Variants in RNF139 observed in about 807,000 individuals in gnomAD.
The protein encoded by RNF139 is ring finger protein 139.
Under a neutral mutation model 49.5 loss-of-function variants are expected in RNF139, and 15 were observed. The ratio of observed to expected loss-of-function variants is 0.30; its 90% confidence interval spans 0.20 to 0.47. The LOEUF (loss-of-function observed/expected upper bound fraction) is 0.47, where lower values mean the gene tolerates loss of function less well. Among genes scored for constraint, RNF139 ranks in the 20% least tolerant of loss-of-function variants. RNF139 has a pLI of 1.00. For synonymous variants in RNF139, 325 were observed against 300.9 expected, an observed-to-expected ratio of 1.08 and a Z score of -0.83; for missense variants, 619 against 806.3, an observed-to-expected ratio of 0.77 and a Z score of 2.81.
chr8:124,486,021 C>G lies in RNF139; in HGVS notation c.372C>G (p.Pro124=), dbSNP rs1197304198. 3 of 1,614,172 alleles carry G rather than the reference C, an allele frequency of 1.9e-6. No individual in the cohort carries two copies. Among genetic ancestry groups the G allele is most frequent in the South Asian group, 2.2e-5 (2 of 91,080 alleles). Residue 124 remains proline, a synonymous_variant, in exon 2 of 2, where the codon CCC becomes CCG. Coordinates refer to ENST00000303545, the MANE Select transcript of RNF139 (RefSeq NM_007218.4). ...FGIELLPRKG[P]SLWMALIVLQ... Reference sequence around the variant, plus strand: ...TTGAGCTGCTTCCTCGAAAAGGTCCCTCGCTGTGGATGGCACTTATCGTTC... The same window carrying G: ...TTGAGCTGCTTCCTCGAAAAGGTCCGTCGCTGTGGATGGCACTTATCGTTC...
At chr8:124,484,780 A>C (rs1816501472) in intron 1 of RNF139, among the ~76,000 whole-genome samples, 1 of 152,200 alleles carries the variant, frequency 6.6e-6, no homozygotes, top group Non-Finnish European at 1.5e-5. Context: ...TTTTCTAAAA[A>C]CATGTCTTGG....
At chr8:124,475,912 TAA>T (rs1040705108) in intron 1 of RNF139, among the ~76,000 whole-genome samples, 6 of 152,230 alleles carry the variant, frequency 3.9e-5, no homozygotes, top group African/African-American at 1.2e-4. Context: ...AAAGTGACTG[TAA>T]AAAGTGATGA....
intron 1 of RNF139, among the ~76,000 whole-genome samples, chr8:124,480,504 C>G (rs1186077161): frequency 6.6e-6 from 1 of 150,842 alleles, no homozygotes; most frequent in Non-Finnish European, 1.5e-5. Context: ...ACAAAGGACA[C>G]AGATGAATTA....
At position 124,475,027 on chromosome 8, in the gene RNF139, T is replaced by C. The variant is rs1429341998; in HGVS notation, c.-83T>C. On this transcript the variant is annotated 5_prime_UTR_variant, in exon 1 of 2. Transcript: ENST00000303545. ...AGGGCAGGGGCGGAGTTGCCCGCCTTAGCCCCCGCCCCCGGCCGCGGCCCC... is the reference window on the plus strand; with the variant it reads ...AGGGCAGGGGCGGAGTTGCCCGCCTCAGCCCCCGCCCCCGGCCGCGGCCCC... 5 of 965,028 alleles carry C rather than the reference T, an allele frequency of 5.2e-6. No individual in the cohort carries two copies. The highest frequency in any genetic ancestry group is 3.7e-5 in the East Asian group (1 of 27,126). The allele number at this position is 965,028 out of a possible 1,614,324, so 59.8% of individuals were successfully genotyped here.
Position 124,475,081 on chromosome 8 carries a change from C to A in RNF139, c.-29C>A. ...CCCTGCCCCGCGCGGCCCTGCCCGG[C>A]CCACCGAGCCCTGGTGTGGCAGCGG... On this transcript the variant is annotated 5_prime_UTR_variant, in exon 1 of 2. Coordinates refer to ENST00000303545, the MANE Select transcript of RNF139 (RefSeq NM_007218.4). The A allele has an allele frequency of 1.4e-6, 2 of 1,475,048 alleles. No homozygotes were observed. Among genetic ancestry groups the A allele is most frequent in the South Asian group, 1.3e-5 (1 of 76,340 alleles). The allele number at this position is 1,475,048 out of a possible 1,614,324, so 91.4% of individuals were successfully genotyped here. A position where few individuals can be genotyped will look rare whatever the true frequency, so the allele number is the denominator to read the frequency against.
At chr8:124,475,361 G>A in intron 1 of RNF139, 71 bp downstream of exon 1, 3 of 1,473,694 alleles carry the variant, frequency 2.0e-6, no homozygotes, top group Non-Finnish European at 1.9e-6. Context: ...GAGCGGGCAG[G>A]CGCGCAGAGG....
chr8:124,483,397 G>A lies in RNF139; in HGVS notation c.182-2434G>A, dbSNP rs1252897134. 5 of 151,250 alleles carry A rather than the reference G, an allele frequency of 3.3e-5. No homozygotes were observed. In the East Asian group the frequency reaches 9.7e-4, roughly 29 times the overall value. 9.4% of individuals were successfully genotyped at this position (151,250 alleles called of 1,614,324 possible). A position where few individuals can be genotyped will look rare whatever the true frequency, so the allele number is the denominator to read the frequency against. On this transcript the variant is annotated intron_variant, in intron 1 of 1. Transcript: ENST00000303545. ...ATAATATGCAATGTCTTGATTACCT[G>A]CTGAAATAAGGTGGATAGATGGATT...
chr8:124,481,305 A>T (rs1256436595), intron 1 of RNF139, among the ~76,000 whole-genome samples: 1 of 152,066 alleles, frequency 6.6e-6, no homozygotes, highest in Admixed American at 6.5e-5. Flanking sequence ...GTTTTTCCAC[A>T]GGTTGCTTTT....
chr8:124,487,854 G>A lies in RNF139; in HGVS notation c.*210G>A. 2.1e-6 allele frequency: 1 copy of A among 475,616 alleles called. No homozygotes were observed. Among genetic ancestry groups the A allele is most frequent in the Non-Finnish European group, 3.7e-6 (1 of 271,426 alleles). The allele number at this position is 475,616 out of a possible 1,614,324, so 29.5% of individuals were successfully genotyped here. ...TCTTTGGTGACCTGTTTAAATTTGTGTACATTATTGTACATAGAATAAAAT... is the reference window on the plus strand; with the variant it reads ...TCTTTGGTGACCTGTTTAAATTTGTATACATTATTGTACATAGAATAAAAT... On this transcript the variant is annotated 3_prime_UTR_variant, in exon 2 of 2. Coordinates refer to ENST00000303545, the MANE Select transcript of RNF139 (RefSeq NM_007218.4).
At chr8:124,482,931 A>T (rs1816442501) in intron 1 of RNF139, among the ~76,000 whole-genome samples, 1 of 109,250 alleles carries the variant, frequency 9.2e-6, no homozygotes, top group Non-Finnish European at 1.9e-5. Context: ...CATTAAAAAA[A>T]ATATAAAAAA....
intron 1 of RNF139, among the ~76,000 whole-genome samples, chr8:124,480,459 G>A (rs1358981229): frequency 6.8e-6 from 1 of 147,036 alleles, no homozygotes; most frequent in Admixed American, 6.8e-5. Flanking sequence ...GGGAACTACT[G>A]TACTTACATT....
chr8:124,487,193 G>T lies in RNF139; in HGVS notation c.1544G>T (p.Gly515Val). 3 of 1,613,912 alleles carry T rather than the reference G, an allele frequency of 1.9e-6. No individual in the cohort carries two copies. The highest frequency in any genetic ancestry group is 2.5e-6 in the Non-Finnish European group (3 of 1,179,940). The change falls in exon 2 of 2, where the codon GGC becomes GTC. Residue 515 changes from glycine to valine, a missense_variant. Coordinates refer to ENST00000303545, the MANE Select transcript of RNF139 (RefSeq NM_007218.4). ...YFNIYLQAKN[G>V]WKTFMNRRTA... Reference sequence around the variant, plus strand: ...AACATCTACTTACAAGCCAAAAATGGCTGGAAGACATTTATGAATCGTAGG... The same window carrying T: ...AACATCTACTTACAAGCCAAAAATGTCTGGAAGACATTTATGAATCGTAGG...
chr8:124,482,797 A>G (rs988573767), intron 1 of RNF139, among the ~76,000 whole-genome samples: 1 of 150,190 alleles, frequency 6.7e-6, no homozygotes, highest in South Asian at 2.1e-4. Flanking sequence ...GTGGTGGTAC[A>G]TACCTGTAAT....
At position 124,487,776 on chromosome 8, in the gene RNF139, T is replaced by C; in HGVS notation, c.*132T>C. 2 of 853,548 alleles carry C rather than the reference T, an allele frequency of 2.3e-6. No individual in the cohort carries two copies. Among genetic ancestry groups the C allele is most frequent in the Non-Finnish European group, 3.5e-6 (2 of 568,438 alleles). The allele number at this position is 853,548 out of a possible 1,614,324, so 52.9% of individuals were successfully genotyped here. A position where few individuals can be genotyped will look rare whatever the true frequency, so the allele number is the denominator to read the frequency against. ...TCAATGTTGAATCTGTGAATGGTTTTCCGTTTACTGTGATGTGCTACTGTA... is the reference window on the plus strand; with the variant it reads ...TCAATGTTGAATCTGTGAATGGTTTCCCGTTTACTGTGATGTGCTACTGTA... On this transcript the variant is annotated 3_prime_UTR_variant, in exon 2 of 2. Transcript: ENST00000303545.
intron 1 of RNF139, among the ~76,000 whole-genome samples, chr8:124,480,907 AAATATT>A (rs1816396468): frequency 6.6e-6 from 1 of 152,178 alleles, no homozygotes; most frequent in South Asian, 2.1e-4. Flanking sequence ...GACAAAGACC[AAATATT>A]AATATTTTTT....
chr8:124,482,177 C>T (rs895734765), intron 1 of RNF139, among the ~76,000 whole-genome samples: 4 of 152,158 alleles, frequency 2.6e-5, no homozygotes, highest in African/African-American at 7.2e-5. Context: ...TATCTGATGC[C>T]TTCCCCTTTT....
At chr8:124,479,571 TG>T (rs1816372009) in intron 1 of RNF139, among the ~76,000 whole-genome samples, 1 of 152,166 alleles carries the variant, frequency 6.6e-6, no homozygotes, top group Non-Finnish European at 1.5e-5. Context: ...TGTTTGCGGA[TG>T]GGAGCTCTCC....
At position 124,486,997 on chromosome 8, in the gene RNF139, TATA is replaced by T; in HGVS notation, c.1351_1353del (p.Asn451del). ...TACGTTATTCATGATTGATGGCTAC[TATA>T]ATGTCCTCTGGGAAAAGCTTGACGA... is the stretch of plus-strand genomic sequence containing the variant. On this transcript the variant is annotated inframe_deletion, in exon 2 of 2. Coordinates refer to ENST00000303545, the MANE Select transcript of RNF139 (RefSeq NM_007218.4). 1 of 1,614,104 alleles carries T rather than the reference TATA, an allele frequency of 6.2e-7. No homozygotes were observed. Among genetic ancestry groups the T allele is most frequent in the Non-Finnish European group, 8.5e-7 (1 of 1,179,972 alleles).
chr8:124,476,122 T>A (rs907678566), intron 1 of RNF139, among the ~76,000 whole-genome samples: 1 of 152,232 alleles, frequency 6.6e-6, no homozygotes, highest in African/African-American at 2.4e-5. Context: ...GTGATCGGTC[T>A]TAAGTAGGCT....
Sources: allele counts gnomAD v4.1 joint callset (sites outside exome capture counted in the v4.1 genomes callset), GRCh38; gene constraint gnomAD v4.1.1; transcripts MANE v1.5; gene names NCBI Gene and HGNC (gene_info 2026-07-23, HGNC 2026-07-21).